Variants in PDE1C observed in about 807,000 individuals in gnomAD.
PDE1C encodes the protein phosphodiesterase 1C.
PDE1C carries 62 observed loss-of-function variants against 93.1 expected under a neutral mutation model. The ratio of observed to expected loss-of-function variants is 0.67; its 90% CI spans 0.54 to 0.82. The LOEUF (loss-of-function observed/expected upper bound fraction) is 0.82, where lower values mean the gene tolerates loss of function less well. Ranked by LOEUF, PDE1C falls within the 40% of genes least tolerant of loss-of-function variation. The probability of loss-of-function intolerance (pLI) is 0.00; values close to 1 mark genes in which losing one functional copy is unlikely to be tolerated. For synonymous variants in PDE1C, 325 were observed against 310.1 expected (o/e 1.05, Z -0.50); for missense variants, 742 against 884.6 (o/e 0.84, Z 2.04).
At chr7:31,777,195 C>A (rs1783054139) in intron 16 of PDE1C, among the ~76,000 whole-genome samples, 2 of 151,726 alleles carry the variant, frequency 1.3e-5, no homozygotes, top group Non-Finnish European at 2.9e-5. Flanking sequence ...AATCTGAAGA[C>A]TGGGCAGTGT....
At chr7:31,626,635 T>C in the PDE1C span, among the ~76,000 whole-genome samples, 1 of 152,224 alleles carries the variant, frequency 6.6e-6, no homozygotes, top group East Asian at 1.9e-4. Flanking sequence ...TTTTGACATG[T>C]CGGTGACACC....
At chr7:32,322,252 C>T (rs79476843) in intron 1 of PDE1C, among the ~76,000 whole-genome samples, 6,937 of 152,262 alleles carry the variant, frequency 0.046, 229 homozygotes, top group African/African-American at 0.09. Context: ...TTAATCACTA[C>T]TCTACAGCAG....
At chr7:31,662,357 A>G in the PDE1C span, among the ~76,000 whole-genome samples, 1 of 152,224 alleles carries the variant, frequency 6.6e-6, no homozygotes, top group Non-Finnish European at 1.5e-5. Flanking sequence ...TCAGATCTGG[A>G]AGACTCTACT....
intron 3 of PDE1C, among the ~76,000 whole-genome samples, chr7:32,092,976 A>G (rs1040328683): frequency 1.3e-5 from 2 of 152,236 alleles, no homozygotes; most frequent in African/African-American, 4.8e-5. Context: ...AGCTTTCACC[A>G]CAGCTGTCTC....
chr7:32,178,118 T>C (rs1241928673), intron 2 of PDE1C, among the ~76,000 whole-genome samples: 1 of 152,142 alleles, frequency 6.6e-6, no homozygotes, highest in East Asian at 1.9e-4. Flanking sequence ...AGCTTAAAAA[T>C]AGGACCAAGA....
rs2128084855 is a variant in PDE1C at position 32,359,393 on chromosome 7, A to G, written c.310+68429T>C. 3.0e-5 allele frequency among the ~76,000 whole-genome samples: 3 copies of G among 100,084 alleles called. No individual in the cohort carries two copies. In the Middle Eastern group the frequency reaches 0.015, roughly 500 times the overall value. The allele number at this position is 100,084 out of a possible 152,430, so 65.7% of individuals were successfully genotyped here. ...CCTTAACGGTATGTATGTGTATATT[A>G]TATGTGAATATATGTATATGTATAT... is the stretch of plus-strand genomic sequence containing the variant. On this transcript the variant is annotated intron_variant, in intron 1 of 1. Transcript: ENST00000672256.
At chr7:32,274,607 A>T (rs1001976871) in intron 1 of PDE1C, among the ~76,000 whole-genome samples, 1 of 152,158 alleles carries the variant, frequency 6.6e-6, no homozygotes. Flanking sequence ...ATCAGGGTTT[A>T]AGGACTGTTA....
chr7:31,736,289 A>G, the PDE1C span, among the ~76,000 whole-genome samples: 1 of 152,208 alleles, frequency 6.6e-6, no homozygotes, highest in South Asian at 2.1e-4. Context: ...AGACAGAGAA[A>G]AACTGGCTGT....
intron 1 of PDE1C, among the ~76,000 whole-genome samples, chr7:32,246,025 G>C (rs11772510): frequency 1.1e-4 from 16 of 142,700 alleles, no homozygotes; most frequent in African/African-American, 4.2e-4. Context: ...ATTGGAGTAC[G>C]TGGTGCAATC....
intron 8 of PDE1C, among the ~76,000 whole-genome samples, chr7:31,848,874 C>T (rs1343178130): frequency 1.3e-5 from 2 of 152,154 alleles, no homozygotes; most frequent in Admixed American, 6.6e-5. Context: ...CTTCCACCTG[C>T]CATTGGCCAA....
chr7:32,296,845 T>C (rs373667914), intron 1 of PDE1C, among the ~76,000 whole-genome samples: 2 of 152,318 alleles, frequency 1.3e-5, no homozygotes, highest in South Asian at 2.1e-4. Flanking sequence ...AGCACTCCCT[T>C]AGCACCCACC....
At chr7:32,251,089 A>G (rs144185379) in intron 1 of PDE1C, among the ~76,000 whole-genome samples, 32 of 152,364 alleles carry the variant, frequency 2.1e-4, no homozygotes, top group South Asian at 4.1e-4. Context: ...GCGTGCGCAC[A>G]CACACACAAG....
chr7:32,355,012 G>A (rs1375949992), intron 1 of PDE1C, among the ~76,000 whole-genome samples: 3 of 152,152 alleles, frequency 2.0e-5, no homozygotes, highest in Admixed American at 6.5e-5. Context: ...GCACCTGGTC[G>A]CTTCTCTCAG....
chr7:32,357,743 A>C (rs971083873), intron 1 of PDE1C, among the ~76,000 whole-genome samples: 1 of 152,162 alleles, frequency 6.6e-6, no homozygotes, highest in Admixed American at 6.5e-5. Flanking sequence ...TGGTGAGTAC[A>C]TGCCTTCACT....
At chr7:32,049,692 AT>A (rs371924021) in intron 2 of PDE1C, among the ~76,000 whole-genome samples, 3 of 152,078 alleles carry the variant, frequency 2.0e-5, no homozygotes, top group African/African-American at 7.2e-5. Flanking sequence ...TGCATTAATG[AT>A]TTTTTTAATC....
At chr7:31,695,455 C>A in the PDE1C span, 4 of 1,588,450 alleles carry the variant, frequency 2.5e-6, no homozygotes, top group South Asian at 4.6e-5. Context: ...TTCTTTGTAT[C>A]CTGTCAAAAT....
At position 32,147,984 on chromosome 7, in the gene PDE1C, T is replaced by TAAAAAA. The variant is rs752433564; in HGVS notation, c.308+21795_308+21800dup. The stretch of plus-strand genomic sequence containing the variant: ...AACTTGCCTCTCAACCCATTTATGC[T>TAAAAAA]AAAAAAAAAAAAAAAAAAAAAGCCT... On this transcript the variant is annotated intron_variant, in intron 3 of 18. Coordinates refer to the PDE1C transcript ENST00000396193. 3.9e-3 allele frequency among the ~76,000 whole-genome samples: 311 copies of TAAAAAA among 79,696 alleles called. 13 individuals are homozygous for TAAAAAA. The highest frequency in any genetic ancestry group is 0.015 in the African/African-American group (275 of 17,860). The allele number at this position is 79,696 out of a possible 152,430, so 52.3% of individuals were successfully genotyped here. A position where few individuals can be genotyped will look rare whatever the true frequency, so the allele number is the denominator to read the frequency against.
chr7:32,109,264 G>C (rs557547324), intron 3 of PDE1C, among the ~76,000 whole-genome samples: 5 of 152,270 alleles, frequency 3.3e-5, no homozygotes, highest in Admixed American at 1.3e-4. Flanking sequence ...AATCATGGTA[G>C]AGCCATATGA....
intron 15 of PDE1C, 95 bp downstream of exon 15, chr7:31,815,829 T>G: frequency 2.8e-5 from 26 of 919,550 alleles, no homozygotes; most frequent in Non-Finnish European, 4.2e-5. Flanking sequence ...CCTTGCCCTG[T>G]GAGCTGACCC....
Sources: gnomAD v4.1 joint callset for allele counts (sites outside exome capture counted in the v4.1 genomes callset) on GRCh38, gnomAD v4.1.1 for gene constraint, MANE v1.5 for transcripts, NCBI Gene and HGNC (gene_info 2026-07-23, HGNC 2026-07-21) for gene names.